The following GGNBP2 variants were observed in gnomAD, a reference collection of about 807,000 sequenced individuals.
GGNBP2 encodes gametogenetin binding protein 2.
GGNBP2 carries 10 observed loss-of-function variants against 85.9 expected under a neutral mutation model. That is an observed-to-expected ratio of 0.12 (90% confidence interval 0.07 to 0.20). The LOEUF (loss-of-function observed/expected upper bound fraction) is 0.20, where lower values mean the gene tolerates loss of function less well. GGNBP2 is among the 10% of genes least tolerant of loss of function. The pLI, the probability that GGNBP2 is intolerant of heterozygous loss-of-function variation, is 1.00. For missense variants in GGNBP2, 595 were observed against 857.8 expected, an observed-to-expected ratio of 0.69 and a Z score of 3.83; for synonymous variants, 287 against 285.7, an observed-to-expected ratio of 1.00 and a Z score of -0.05.
At position 36,548,615 on chromosome 17, in the gene GGNBP2, C is replaced by CAAAAAAAAAAAAAAA. The variant is rs71159614; in HGVS notation, c.93+2821_93+2835dup. On this transcript the variant is annotated intron_variant, in intron 2 of 13. Coordinates refer to ENST00000613102, the MANE Select transcript of GGNBP2 (RefSeq NM_024835.5). ...GGGCAACAAGAGCAAGACTCTGTCT[C>CAAAAAAAAAAAAAAA]AAAAAAAAAAAAAAAAAAAAAAAAA... Among the ~76,000 whole-genome samples, 10 of 23,736 alleles carry CAAAAAAAAAAAAAAA rather than the reference C, an allele frequency of 4.2e-4. 1 individual carries two copies. The highest frequency in any genetic ancestry group is 1.3e-3 in the East Asian group (1 of 796). The allele number at this position is 23,736 out of a possible 152,430, so 15.6% of individuals were successfully genotyped here. A position where few individuals can be genotyped will look rare whatever the true frequency, so the allele number is the denominator to read the frequency against.
chr17:36,556,564 C>T (rs754077663), intron 3 of GGNBP2, among the ~76,000 whole-genome samples: 2 of 151,968 alleles, frequency 1.3e-5, no homozygotes, highest in Admixed American at 6.6e-5. Flanking sequence ...ATTAGCCGGG[C>T]GTGGTGGTGC....
chr17:36,585,073 A>G (rs1418530572), intron 9 of GGNBP2, among the ~76,000 whole-genome samples: 1 of 152,218 alleles, frequency 6.6e-6, no homozygotes, highest in Non-Finnish European at 1.5e-5. Context: ...AGCGCTTGAC[A>G]GTTGAAGAAT....
chr17:36,547,670 C>T (rs1411091041), intron 2 of GGNBP2: 1 of 152,212 alleles, frequency 6.6e-6, no homozygotes, highest in Non-Finnish European at 1.5e-5. Flanking sequence ...TTACTTTGCA[C>T]TGTATCTGGC....
In GGNBP2 at chr17:36,586,073, T is replaced by C. The variant is rs764039487; in HGVS notation, c.1516T>C (p.Cys506Arg). 1 of 1,614,058 alleles carries C rather than the reference T, an allele frequency of 6.2e-7. No individual in the cohort carries two copies. Among genetic ancestry groups the C allele is most frequent in the South Asian group, 1.1e-5 (1 of 91,078 alleles). ...AGGTGATGACTCTTGTGTTCATCACTGTGAAGACAAAGAGGATGATGGTGA... is the reference window on the plus strand; with the variant it reads ...AGGTGATGACTCTTGTGTTCATCACCGTGAAGACAAAGAGGATGATGGTGA... ...EHGDDSCVHH[C>R]EDKEDDGDSC... Residue 506 changes from cysteine to arginine, a missense_variant, in exon 12 of 14, where the codon TGT (cysteine) becomes CGT (arginine). Coordinates refer to ENST00000613102, the MANE Select transcript of GGNBP2 (RefSeq NM_024835.5).
At chr17:36,585,270 T>C (rs773841570) in intron 9 of GGNBP2, 30 bp from the exon 10 acceptor site, 1 of 1,594,134 alleles carries the variant, frequency 6.3e-7, no homozygotes, top group South Asian at 1.1e-5. Flanking sequence ...AGTAAAGCTC[T>C]TGACTCTCTC....
Position 36,582,995 on chromosome 17 carries a change from GTA to G in GGNBP2, c.1215+1459_1215+1460del, listed in dbSNP as rs574696808. Among the ~76,000 whole-genome samples the G allele has an allele frequency of 2.0e-3, 299 of 151,992 alleles. 4 individuals are homozygous for G. The highest frequency in any genetic ancestry group is 6.8e-3 in the African/African-American group (284 of 41,492). On this transcript the variant is annotated intron_variant, in intron 9 of 13. Coordinates refer to ENST00000613102, the MANE Select transcript of GGNBP2 (RefSeq NM_024835.5). ...AAATAAAATGAGAGTGAGAAGAATG[GTA>G]TTATACTATATATATTTTTTGCAAA...
intron 6 of GGNBP2, among the ~76,000 whole-genome samples, chr17:36,568,815 G>A (rs991533938): frequency 1.4e-4 from 21 of 151,618 alleles, no homozygotes; most frequent in African/African-American, 4.8e-4. Flanking sequence ...GAATGCGCTG[G>A]CTCGATCTCG....
intron 4 of GGNBP2, 54 bp downstream of exon 4, chr17:36,557,390 G>A (rs1040468872): frequency 1.4e-6 from 2 of 1,445,266 alleles, no homozygotes; most frequent in Non-Finnish European, 9.6e-7. Context: ...AAACAGCTTG[G>A]TGACAGTGGC....
At chr17:36,549,919 T>C (rs892761978) in intron 2 of GGNBP2, among the ~76,000 whole-genome samples, 57 of 152,174 alleles carry the variant, frequency 3.7e-4, no homozygotes, top group African/African-American at 1.4e-3. Context: ...CAGGTACATA[T>C]TGTCAGATTG....
intron 5 of GGNBP2, among the ~76,000 whole-genome samples, chr17:36,562,063 G>A (rs562869747): frequency 2.0e-5 from 3 of 152,306 alleles, no homozygotes; most frequent in Admixed American, 1.3e-4. Context: ...CCTGGGGGTG[G>A]GGATAGTGAG....
chr17:36,558,935 C>T (rs2074390122), intron 4 of GGNBP2, among the ~76,000 whole-genome samples: 1 of 151,878 alleles, frequency 6.6e-6, no homozygotes. Flanking sequence ...AGGAATGAGC[C>T]AGTGGGATTT....
intron 6 of GGNBP2, chr17:36,575,285 G>T: frequency 1.9e-6 from 1 of 534,916 alleles, no homozygotes; most frequent in Non-Finnish European, 3.4e-6. Context: ...CCCCATCCCA[G>T]GCGATCCCCA....
chr17:36,576,584 A>AAAAAAAAT (rs1567830323), intron 6 of GGNBP2: 1 of 47,148 alleles, frequency 2.1e-5, no homozygotes, highest in African/African-American at 1.2e-4. Flanking sequence ...AAAAAAAAAA[A>AAAAAAAAT]ATATATATAT....
rs2074690004 is a variant in GGNBP2, at chr17:36,585,320, TAGC to T, written c.1240_1242del (p.Ser414del). 6.2e-7 allele frequency: 1 copy of T among 1,611,964 alleles called. No individual in the cohort carries two copies. The highest frequency in any genetic ancestry group is 1.1e-5 in the South Asian group (1 of 90,428). ...TAAAGGAAACAGACTTCATAGAAAA[TAGC>T]AGCTGCAAAGCCTGTGGCAGCACTG... On this transcript the variant is annotated inframe_deletion, in exon 10 of 14. Transcript: ENST00000613102.
At chr17:36,583,387 A>C (rs965399658) in intron 9 of GGNBP2, among the ~76,000 whole-genome samples, 1 of 151,888 alleles carries the variant, frequency 6.6e-6, no homozygotes, top group Non-Finnish European at 1.5e-5. Context: ...TTCTGCATTC[A>C]ATCTGTTTCC....
At chr17:36,576,445 T>G (rs1201815050) in intron 6 of GGNBP2, among the ~76,000 whole-genome samples, 1 of 97,288 alleles carries the variant, frequency 1.0e-5, no homozygotes, top group South Asian at 3.5e-4. Flanking sequence ...TCCCAGCGAC[T>G]CGGGAGACTG....
At chr17:36,571,413 G>A (rs567199545) in intron 6 of GGNBP2, among the ~76,000 whole-genome samples, 1 of 152,244 alleles carries the variant, frequency 6.6e-6, no homozygotes, top group South Asian at 2.1e-4. Context: ...AGCCGGGCTT[G>A]GTGGCGTGTG....
chr17:36,569,018 G>A (rs547676524), intron 6 of GGNBP2, among the ~76,000 whole-genome samples: 1 of 152,216 alleles, frequency 6.6e-6, no homozygotes, highest in Admixed American at 6.5e-5. Context: ...CTCCCGAAGT[G>A]CTGGGATTAC....
At chr17:36,574,648 G>T (rs1173449307) in intron 6 of GGNBP2, 1 of 585,226 alleles carries the variant, frequency 1.7e-6, no homozygotes, top group South Asian at 2.0e-5. Context: ...TACCCAGGGC[G>T]GCAGTGTAGC....
Sources: allele counts gnomAD v4.1 joint callset (sites outside exome capture counted in the v4.1 genomes callset), GRCh38; gene constraint gnomAD v4.1.1; transcripts MANE v1.5; gene names NCBI Gene and HGNC (gene_info 2026-07-23, HGNC 2026-07-21).